TMEM71: variants seen among roughly 807,000 people sequenced by gnomAD.
TMEM71 encodes the protein transmembrane protein 71.
A neutral mutation model predicts 38.0 loss-of-function variants in TMEM71; 44 were observed. The observed-to-expected ratio is 1.16, with a 90% CI of 0.91 to 1.49. The LOEUF is 1.49. Among genes scored for constraint, TMEM71 ranks in the 40% most tolerant of loss-of-function variants. The pLI is 0.00. For synonymous variants in TMEM71, 133 were observed against 122.5 expected (o/e 1.09, Z -0.56); for missense variants, 367 against 348.6 (o/e 1.05, Z -0.42).
chr8:132,759,732 G>T (rs975520871), intron 1 of TMEM71, among the ~76,000 whole-genome samples: 1 of 152,108 alleles, frequency 6.6e-6, no homozygotes, highest in Non-Finnish European at 1.5e-5. Context: ...ATGAGAACTA[G>T]TAATGGATTG....
the TMEM71 span, among the ~76,000 whole-genome samples, chr8:132,772,805 T>C: frequency 1.3e-5 from 2 of 152,112 alleles, no homozygotes; most frequent in African/African-American, 2.4e-5. Context: ...AGTAGTGAGG[T>C]GCTTGTATCT....
At chr8:132,742,060 G>T (rs1042676035) in intron 5 of TMEM71, among the ~76,000 whole-genome samples, 3 of 152,190 alleles carry the variant, frequency 2.0e-5, no homozygotes, top group African/African-American at 7.2e-5. Context: ...TTGTCTTCTG[G>T]ACACTCCTCA....
chr8:132,725,014 C>CTTTT (rs961464972), intron 6 of TMEM71, among the ~76,000 whole-genome samples: 2 of 151,250 alleles, frequency 1.3e-5, no homozygotes, highest in Non-Finnish European at 2.9e-5. Flanking sequence ...TATGGAGGGC[C>CTTTT]TTTTTTTCTT....
At chr8:132,734,268 T>C (rs927593240) in intron 5 of TMEM71, among the ~76,000 whole-genome samples, 2 of 151,982 alleles carry the variant, frequency 1.3e-5, no homozygotes, top group Admixed American at 1.3e-4. Flanking sequence ...AATTCACAGG[T>C]GTCTGCATAT....
chr8:132,734,760 G>A (rs1827652099), intron 5 of TMEM71, among the ~76,000 whole-genome samples: 1 of 151,904 alleles, frequency 6.6e-6, no homozygotes, highest in African/African-American at 2.4e-5. Context: ...ACAAATAAAA[G>A]GATTATAAGG....
chr8:132,709,252 A>T (rs1417139099), downstream of TMEM71, among the ~76,000 whole-genome samples: 1 of 152,238 alleles, frequency 6.6e-6, no homozygotes, highest in Non-Finnish European at 1.5e-5. Flanking sequence ...CATTAAATTC[A>T]TTTTAAATCC....
intron 5 of TMEM71, among the ~76,000 whole-genome samples, chr8:132,740,967 T>C (rs1258958086): frequency 6.6e-6 from 1 of 152,210 alleles, no homozygotes; most frequent in African/African-American, 2.4e-5. Context: ...ACGCCACATT[T>C]ATGCCTTAAA....
chr8:132,727,650 T>A lies in TMEM71; in HGVS notation c.676+148A>T. The stretch of plus-strand genomic sequence containing the variant: ...GTCATCTCCTCTGCAAAGGGTCACC[T>A]GGGCTTTGGCAGAGGCCCCATGTCC... On this transcript the variant is annotated intron_variant, in intron 6 of 9. Coordinates refer to ENST00000677595, the MANE Select transcript of TMEM71 (RefSeq NM_001382403.1). 4.8e-6 allele frequency: 3 copies of A among 621,890 alleles called. No homozygotes were observed. The South Asian group carries it at 7.2e-5, about 15-fold the overall frequency. The allele number at this position is 621,890 out of a possible 1,614,324, so 38.5% of individuals were successfully genotyped here.
At chr8:132,739,845 G>C (rs879702102) in intron 5 of TMEM71, among the ~76,000 whole-genome samples, 1 of 152,114 alleles carries the variant, frequency 6.6e-6, no homozygotes, top group Non-Finnish European at 1.5e-5. Context: ...AGCCACGTAG[G>C]CAAATCTTGT....
intron 7 of TMEM71, among the ~76,000 whole-genome samples, chr8:132,715,230 C>T (rs922969552): frequency 6.6e-6 from 1 of 150,670 alleles, no homozygotes; most frequent in African/African-American, 2.5e-5. Context: ...CACGGTGAAA[C>T]CCTGTCTCCA....
At chr8:132,774,789 C>T in the TMEM71 span, among the ~76,000 whole-genome samples, 205 of 151,722 alleles carry the variant, frequency 1.4e-3, 1 homozygote, top group African/African-American at 4.8e-3. Context: ...ATCAATGTAG[C>T]CATAGGTTAA....
intron 2 of TMEM71, 82 bp from the exon 3 acceptor site, chr8:132,757,376 T>C: frequency 1.8e-6 from 2 of 1,086,124 alleles, no homozygotes; most frequent in Non-Finnish European, 2.8e-6. Flanking sequence ...TCAATATGTA[T>C]AATTGCAAAC....
chr8:132,741,308 T>C (rs1192579318), intron 5 of TMEM71, among the ~76,000 whole-genome samples: 3 of 151,990 alleles, frequency 2.0e-5, no homozygotes, highest in African/African-American at 7.2e-5. Context: ...GGTTGCAGTG[T>C]GTAGGGTCCA....
chr8:132,731,984 G>A (rs1461121453), intron 5 of TMEM71, among the ~76,000 whole-genome samples: 1 of 152,168 alleles, frequency 6.6e-6, no homozygotes, highest in Non-Finnish European at 1.5e-5. Flanking sequence ...TGGAGCAAAA[G>A]TAAGGCGGGA....
intron 5 of TMEM71, among the ~76,000 whole-genome samples, chr8:132,731,603 C>A (rs1827459660): frequency 6.6e-6 from 1 of 152,082 alleles, no homozygotes; most frequent in African/African-American, 2.4e-5. Flanking sequence ...AATCTCTGCC[C>A]CCTGCCTCAT....
chr8:132,721,971 G>T, intron 7 of TMEM71, 69 bp downstream of exon 7: 1 of 1,339,880 alleles, frequency 7.5e-7, no homozygotes, highest in Non-Finnish European at 1.1e-6. Flanking sequence ...ATAAGGCAAG[G>T]AAATCATCAA....
At chr8:132,771,445 G>T in the TMEM71 span, among the ~76,000 whole-genome samples, 1 of 151,992 alleles carries the variant, frequency 6.6e-6, no homozygotes, top group African/African-American at 2.4e-5. Context: ...CAGAGACTTT[G>T]ATATCTTAGA....
Position 132,727,995 on chromosome 8 carries a change from G to C in TMEM71, c.488-9C>G. 1 of 1,595,490 alleles carries C rather than the reference G, an allele frequency of 6.3e-7. No homozygotes were observed. The highest frequency in any genetic ancestry group is 8.5e-7 in the Non-Finnish European group (1 of 1,173,426). ...ACAGTCTAAATCATCTGCTGAAAAA[G>C]CAGAGGGGTTCAGTGTGAGTGTGTG... On this transcript the variant is annotated splice_polypyrimidine_tract_variant and intron_variant, in intron 5 of 9. Transcript: ENST00000677595.
chr8:132,752,828 AAAGGAAGGAAGGAAGGAAGGAAGG>A lies in TMEM71; in HGVS notation c.102-855_102-832del, dbSNP rs71299033. 1.7e-3 allele frequency among the ~76,000 whole-genome samples: 200 copies of A among 118,416 alleles called. 2 individuals are homozygous for A. The East Asian group carries it at 0.018, about 11-fold the overall frequency. 77.7% of individuals were successfully genotyped at this position (118,416 alleles called of 152,430 possible). On this transcript the variant is annotated intron_variant, in intron 3 of 9. Coordinates refer to ENST00000677595, the MANE Select transcript of TMEM71 (RefSeq NM_001382403.1). Reference sequence around the variant, plus strand: ...GGAAGAAAGGAAGAAGGGAAGGAAGAAAGGAAGGAAGGAAGGAAGGAAGGAAGGAAGGAAGGAAGGAAGGAAGGA... The same window carrying A: ...GGAAGAAAGGAAGAAGGGAAGGAAGAAAGGAAGGAAGGAAGGAAGGAAGGA...
Sources: allele counts gnomAD v4.1 joint callset (sites outside exome capture counted in the v4.1 genomes callset), GRCh38; gene constraint gnomAD v4.1.1; transcripts MANE v1.5; gene names NCBI Gene and HGNC (gene_info 2026-07-23, HGNC 2026-07-21).